GRM1: variants seen among roughly 807,000 people sequenced by gnomAD.
GRM1 encodes glutamate metabotropic receptor 1.
GRM1 carries 33 observed loss-of-function variants against 90.9 expected under a neutral mutation model. The ratio of observed to expected loss-of-function variants is 0.36; its 90% confidence interval spans 0.28 to 0.49. GRM1 has a LOEUF of 0.49. GRM1 is among the 20% of genes least tolerant of loss of function. GRM1 has a pLI of 0.99. For missense variants in GRM1, 1,190 were observed against 1,534.3 expected, an observed-to-expected ratio of 0.78 and a Z score of 3.75; for synonymous variants, 700 against 613.2, an observed-to-expected ratio of 1.14 and a Z score of -2.09.
intron 3 of GRM1, among the ~76,000 whole-genome samples, chr6:146,306,078 A>G (rs181233797): frequency 6.6e-6 from 1 of 152,338 alleles, no homozygotes; most frequent in African/African-American, 2.4e-5. Flanking sequence ...GGTTCAGCAG[A>G]GTTCAATGGG....
rs368036976 is a variant in GRM1, at chr6:146,434,316, G to C, written c.3105G>C (p.Gln1035His). Residue 1035 changes from glutamine (Q) to histidine (H), a missense_variant, in exon 8 of 8, where the codon CAG (glutamine) becomes CAC (histidine). Gln to His is a conservative substitution (Grantham distance 24). Around this residue, in one of 10 missense-constraint regions of GRM1, gnomAD observed 400 missense variants for 360.8 expected, o/e 1.11. Transcript: ENST00000282753. ...PQQKSLMDQLQGVVSNFSTAI... is the reference protein window; with the variant it reads ...PQQKSLMDQLHGVVSNFSTAI... ...AGAAATCGCTGATGGACCAGCTCCAGGGAGTGGTCAGCAACTTCAGTACCG... is the reference window on the plus strand; with the variant it reads ...AGAAATCGCTGATGGACCAGCTCCACGGAGTGGTCAGCAACTTCAGTACCG... The C allele has an allele frequency of 6.2e-7, 1 of 1,610,578 alleles. No individual in the cohort carries two copies.
At chr6:146,248,068 A>G (rs1275105642) in intron 2 of GRM1, among the ~76,000 whole-genome samples, 3 of 151,818 alleles carry the variant, frequency 2.0e-5, no homozygotes, top group Non-Finnish European at 4.4e-5. Context: ...TCTGGGGGAA[A>G]TACTAGATCT....
chr6:146,043,796 T>TATAGAGAGAG (rs1554260528), intron 1 of GRM1, among the ~76,000 whole-genome samples: 2 of 137,940 alleles, frequency 1.4e-5, no homozygotes, highest in African/African-American at 5.2e-5. Flanking sequence ...TATATATATA[T>TATAGAGAGAG]ATATATATAT....
intron 1 of GRM1, among the ~76,000 whole-genome samples, chr6:146,109,983 A>G (rs1483980441): frequency 1.3e-5 from 2 of 152,160 alleles, no homozygotes. Context: ...CCCTCATTGT[A>G]TCTAGGAAGT....
chr6:146,253,879 A>G (rs1781386994), intron 2 of GRM1, among the ~76,000 whole-genome samples: 2 of 152,218 alleles, frequency 1.3e-5, no homozygotes. Flanking sequence ...TCACAGGGAT[A>G]CAGGCTAAAT....
intron 3 of GRM1, among the ~76,000 whole-genome samples, chr6:146,342,813 A>T (rs1785029490): frequency 6.6e-6 from 1 of 152,228 alleles, no homozygotes; most frequent in African/African-American, 2.4e-5. Flanking sequence ...AATACTGTTA[A>T]AGAAAAGTTG....
chr6:146,070,772 C>A (rs1775994824), intron 1 of GRM1, among the ~76,000 whole-genome samples: 1 of 152,070 alleles, frequency 6.6e-6, no homozygotes, highest in Admixed American at 6.6e-5. Flanking sequence ...AGAATCATGA[C>A]CTTACTAGTC....
chr6:146,323,532 T>G (rs986227573), intron 3 of GRM1, among the ~76,000 whole-genome samples: 2 of 152,172 alleles, frequency 1.3e-5, no homozygotes, highest in Non-Finnish European at 2.9e-5. Flanking sequence ...TTTCTCCCAT[T>G]CTGTAGGTTG....
intron 2 of GRM1, among the ~76,000 whole-genome samples, chr6:146,217,177 G>A (rs1375711470): frequency 6.6e-6 from 1 of 152,162 alleles, no homozygotes; most frequent in Non-Finnish European, 1.5e-5. Context: ...AGGTCAGTGA[G>A]GTAGGAGAGG....
chr6:146,403,263 T>C (rs548856353), intron 7 of GRM1, among the ~76,000 whole-genome samples: 17 of 152,248 alleles, frequency 1.1e-4, no homozygotes, highest in African/African-American at 4.1e-4. Context: ...CATCAGTGAT[T>C]ACATGTCAAT....
At chr6:146,204,877 T>A (rs2114626882) in intron 2 of GRM1, among the ~76,000 whole-genome samples, 1 of 152,322 alleles carries the variant, frequency 6.6e-6, no homozygotes, top group Admixed American at 6.5e-5. Context: ...TCAGCCACTC[T>A]ATGGCTGCCC....
chr6:146,432,735 G>A lies in GRM1; in HGVS notation c.2661-1137G>A, dbSNP rs142601309. On this transcript the variant is annotated intron_variant, in intron 7 of 7. Coordinates refer to ENST00000282753, the MANE Select transcript of GRM1 (RefSeq NM_001278064.2). ...ATTCCACCGTTGTTATTAGTAGAAG[G>A]CTATGGTAAGGTACCAACATCTGCT... Among the ~76,000 whole-genome samples, 980 of 152,286 alleles carry A rather than the reference G, an allele frequency of 6.4e-3. 13 individuals are homozygous for A. Among genetic ancestry groups the A allele is most frequent in the Middle Eastern group, 0.031 (9 of 294 alleles).
intron 1 of GRM1, among the ~76,000 whole-genome samples, chr6:146,053,402 A>T (rs1388278372): frequency 1.3e-5 from 2 of 152,074 alleles, no homozygotes; most frequent in Non-Finnish European, 2.9e-5. Context: ...GATTTAAATT[A>T]CTTTATGTAA....
intron 1 of GRM1, among the ~76,000 whole-genome samples, chr6:146,097,646 C>T (rs1776916670): frequency 6.6e-6 from 1 of 152,182 alleles, no homozygotes; most frequent in African/African-American, 2.4e-5. Flanking sequence ...ACATTTTCCA[C>T]AAAATGAATG....
intron 5 of GRM1, among the ~76,000 whole-genome samples, chr6:146,381,095 G>T (rs1397303092): frequency 2.6e-5 from 4 of 152,158 alleles, no homozygotes; most frequent in African/African-American, 9.7e-5. Context: ...GTTAGGGGAG[G>T]TGTGATGCCA....
At chr6:146,075,306 A>G (rs1361580328) in intron 1 of GRM1, among the ~76,000 whole-genome samples, 1 of 152,230 alleles carries the variant, frequency 6.6e-6, no homozygotes, top group African/African-American at 2.4e-5. Context: ...TTAACAAATT[A>G]TTAATTGATC....
chr6:146,270,186 G>C (rs1268871162), intron 2 of GRM1, among the ~76,000 whole-genome samples: 1 of 152,150 alleles, frequency 6.6e-6, no homozygotes, highest in Non-Finnish European at 1.5e-5. Flanking sequence ...AGAAAAGAGA[G>C]AGAGTGTATA....
Position 146,137,925 on chromosome 6 carries a change from G to T in GRM1, c.701-21423G>T, listed in dbSNP as rs527488000. On this transcript the variant is annotated intron_variant, in intron 1 of 7. Coordinates refer to ENST00000282753, the MANE Select transcript of GRM1 (RefSeq NM_001278064.2). ...AATTTCATTTGTGACTACTATAAATGGGATTACTTTTTGATTTCTTTTTCA... is the reference window on the plus strand; with the variant it reads ...AATTTCATTTGTGACTACTATAAATTGGATTACTTTTTGATTTCTTTTTCA... 2.0e-5 allele frequency among the ~76,000 whole-genome samples: 3 copies of T among 152,164 alleles called. No homozygotes were observed. In the South Asian group the frequency reaches 6.2e-4, roughly 32 times the overall value.
chr6:146,312,263 C>T (rs2114945487), intron 3 of GRM1, among the ~76,000 whole-genome samples: 1 of 146,938 alleles, frequency 6.8e-6, no homozygotes, highest in East Asian at 2.0e-4. Flanking sequence ...ATGGCGTGAA[C>T]CCAGGAGGCG....
Sources: gnomAD v4.1 joint callset for allele counts (sites outside exome capture counted in the v4.1 genomes callset) on GRCh38, gnomAD v4.1.1 for gene constraint, gnomAD v4.1.1 regional missense constraint, MANE v1.5 for transcripts, NCBI Gene and HGNC (gene_info 2026-07-23, HGNC 2026-07-21) for gene names.